Variants in ANK2 observed in about 807,000 individuals in gnomAD.
ANK2 encodes the protein ankyrin 2.
ANK2 carries 83 observed loss-of-function variants against 360.5 expected under a neutral mutation model. The ratio of observed to expected loss-of-function variants is 0.23; its 90% CI spans 0.19 to 0.28. ANK2 has a LOEUF of 0.28. ANK2 is among the 10% of genes least tolerant of loss of function. The pLI is 1.00. For missense variants in ANK2, 4,201 were observed against 4,795.7 expected, an observed-to-expected ratio of 0.88 and a Z score of 3.66; for synonymous variants, 1,740 against 1,759.5, an observed-to-expected ratio of 0.99 and a Z score of 0.28.
intron 2 of ANK2, among the ~76,000 whole-genome samples, chr4:112,928,043 T>G (rs1416094779): frequency 6.6e-6 from 1 of 152,100 alleles, no homozygotes; most frequent in Non-Finnish European, 1.5e-5. Context: ...TTTTAAAAAA[T>G]AAAAAAGAAG....
At chr4:113,331,302 G>C (rs549203531) in intron 27 of ANK2, among the ~76,000 whole-genome samples, 1 of 152,222 alleles carries the variant, frequency 6.6e-6, no homozygotes, top group Non-Finnish European at 1.5e-5. Context: ...ATATTGGGAA[G>C]AGGATTTCTT....
chr4:113,146,140 A>G (rs2096826858), intron 1 of ANK2: 2 of 941,502 alleles, frequency 2.1e-6, no homozygotes, highest in Admixed American at 7.1e-5. Context: ...CCACCTGACT[A>G]CCTCTGATCA....
chr4:112,929,118 G>A (rs1337490740), intron 2 of ANK2, among the ~76,000 whole-genome samples: 6 of 152,140 alleles, frequency 3.9e-5, no homozygotes, highest in Non-Finnish European at 5.9e-5. Flanking sequence ...CTCCCAAAGT[G>A]CTGGGATTAC....
rs747174591 is a variant in ANK2 at position 113,070,929 on chromosome 4, A to C, written c.84+21117A>C. Among the ~76,000 whole-genome samples, 136 of 152,200 alleles carry C rather than the reference A, an allele frequency of 8.9e-4. 2 individuals carry two copies. The highest frequency in any genetic ancestry group is 3.4e-3 in the Middle Eastern group (1 of 294). On this transcript the variant is annotated intron_variant, in intron 1 of 45. Transcript: ENST00000357077. The stretch of plus-strand genomic sequence containing the variant: ...GTGTTTAGTTGCTTAGTAAATCCTT[A>C]GTATCCATCATAACATCAAATCTTG...
chr4:112,980,155 G>A (rs1486627110), intron 2 of ANK2: 1 of 152,436 alleles, frequency 6.6e-6, no homozygotes, highest in Admixed American at 6.5e-5. Flanking sequence ...AGGGGGCTGA[G>A]GCAGCAGGGG....
intron 2 of ANK2, among the ~76,000 whole-genome samples, chr4:112,955,865 G>A (rs1362402146): frequency 6.6e-6 from 1 of 152,164 alleles, no homozygotes; most frequent in East Asian, 1.9e-4. Context: ...CTTATAGCAA[G>A]TATAGGGATT....
At chr4:113,021,915 C>T (rs1467111854) in intron 2 of ANK2, among the ~76,000 whole-genome samples, 1 of 152,132 alleles carries the variant, frequency 6.6e-6, no homozygotes, top group African/African-American at 2.4e-5. Flanking sequence ...CCTTCAGCTT[C>T]CCACTTTGAA....
At chr4:112,742,023 G>A in the ANK2 span, among the ~76,000 whole-genome samples, 1 of 152,132 alleles carries the variant, frequency 6.6e-6, no homozygotes, top group Non-Finnish European at 1.5e-5. Flanking sequence ...TGGGAGTGGT[G>A]GCTTGCACAT....
At chr4:112,724,550 C>T in the ANK2 span, among the ~76,000 whole-genome samples, 5 of 124,210 alleles carry the variant, frequency 4.0e-5, no homozygotes, top group Non-Finnish European at 8.9e-5. Context: ...TATAGACACA[C>T]ACACATACAC....
intron 5 of ANK2, among the ~76,000 whole-genome samples, chr4:113,232,627 AT>A (rs202155523): frequency 2.0e-5 from 3 of 151,880 alleles, no homozygotes; most frequent in African/African-American, 7.3e-5. Context: ...TAAAGGAACA[AT>A]TTTTTTTACC....
At chr4:113,336,549 T>C (rs781205498) in intron 30 of ANK2, 28 bp from the exon 31 acceptor site, 23 of 1,565,250 alleles carry the variant, frequency 1.5e-5, no homozygotes, top group Non-Finnish European at 1.9e-5. Flanking sequence ...TACACAAATA[T>C]ATATGTGTGT....
intron 11 of ANK2, among the ~76,000 whole-genome samples, chr4:113,257,174 A>G (rs891146517): frequency 6.6e-6 from 1 of 152,224 alleles, no homozygotes. Context: ...GGGACATGCG[A>G]AATTGTTAGC....
At chr4:113,049,933 A>G in intron 1 of ANK2, 121 bp downstream of exon 1, 1 of 1,264,104 alleles carries the variant, frequency 7.9e-7, no homozygotes, top group Middle Eastern at 1.9e-4. Flanking sequence ...AGACGATAAC[A>G]GTGCCAAGCC....
At chr4:112,717,266 A>AAT in the ANK2 span, among the ~76,000 whole-genome samples, 1 of 152,132 alleles carries the variant, frequency 6.6e-6, no homozygotes, top group South Asian at 2.1e-4. Flanking sequence ...TGTATTATCT[A>AAT]ATATATATTG....
chr4:112,929,212 A>G (rs2092919588), intron 2 of ANK2, among the ~76,000 whole-genome samples: 1 of 152,212 alleles, frequency 6.6e-6, no homozygotes, highest in Non-Finnish European at 1.5e-5. Flanking sequence ...CACTCAGATT[A>G]GTCTATAAAT....
Position 113,369,873 on chromosome 4 carries a change from T to TGG in ANK2, c.11610+68_11610+69insGG, listed in dbSNP as rs1340242983. On this transcript the variant is annotated intron_variant, in intron 43 of 45. Coordinates refer to ENST00000357077, the MANE Select transcript of ANK2 (RefSeq NM_001148.6). ...CTACAAATCTTCCAGTTTCCATTTC[T>TGG]ATGATGGTTTATTTTTTGCACTTCA... The TGG allele has an allele frequency of 7.5e-6, 12 of 1,602,006 alleles. No homozygotes were observed. The Admixed American group carries it at 1.9e-4, about 25-fold the overall frequency.
intron 2 of ANK2, among the ~76,000 whole-genome samples, chr4:113,036,015 C>T (rs975918298): frequency 3.3e-5 from 5 of 151,810 alleles, no homozygotes; most frequent in African/African-American, 7.2e-5. Context: ...TTTGTTCCTT[C>T]GTTATTTTCC....
intron 1 of ANK2, among the ~76,000 whole-genome samples, chr4:113,092,802 G>A (rs138118378): frequency 6.6e-6 from 1 of 152,098 alleles, no homozygotes; most frequent in Non-Finnish European, 1.5e-5. Flanking sequence ...ATATGTGCTT[G>A]TGATGGTTCT....
intron 1 of ANK2, among the ~76,000 whole-genome samples, chr4:112,842,128 G>C (rs1008969465): frequency 6.6e-6 from 1 of 151,874 alleles, no homozygotes; most frequent in Non-Finnish European, 1.5e-5. Flanking sequence ...TCCTGCCTCA[G>C]CCTCCCCAGT....
Sources: gnomAD v4.1 joint callset for allele counts (sites outside exome capture counted in the v4.1 genomes callset) on GRCh38, gnomAD v4.1.1 for gene constraint, MANE v1.5 for transcripts, NCBI Gene and HGNC (gene_info 2026-07-23, HGNC 2026-07-21) for gene names.